Variants in ITPR2 observed in about 807,000 individuals in gnomAD.
ITPR2 encodes inositol 1,4,5-trisphosphate-gated calcium channel ITPR2.
Under a neutral mutation model 317.1 loss-of-function variants are expected in ITPR2, and 207 were observed. The observed-to-expected ratio is 0.65, with a 90% confidence interval of 0.58 to 0.73. The LOEUF is 0.73. Among genes scored for constraint, ITPR2 ranks in the 30% least tolerant of loss-of-function variants. The probability of loss-of-function intolerance (pLI) is 0.00; values close to 1 mark genes in which losing one functional copy is unlikely to be tolerated. For synonymous variants in ITPR2, 1,156 were observed against 1,149.1 expected (o/e 1.01, Z -0.12); for missense variants, 2,613 against 3,284.0 (o/e 0.80, Z 4.99).
At chr12:26,454,878 T>C (rs1341387303) in intron 45 of ITPR2, among the ~76,000 whole-genome samples, 1 of 152,160 alleles carries the variant, frequency 6.6e-6, no homozygotes, top group Non-Finnish European at 1.5e-5. Context: ...TGCAATAATA[T>C]ACCAAAGAGA....
At chr12:26,689,848 T>A (rs1463773342) in intron 10 of ITPR2, among the ~76,000 whole-genome samples, 1 of 151,104 alleles carries the variant, frequency 6.6e-6, no homozygotes, top group East Asian at 1.9e-4. Context: ...AAGGAGGAGG[T>A]TTAGAAGAGG....
At position 26,572,138 on chromosome 12, in the gene ITPR2, T is replaced by G. The variant is rs140378367; in HGVS notation, c.4630+6575A>C. ...CTTGCATATTTGAATTCTGCTAAAC[T>G]TTAGTGCCTCTGTGTGTTTTTAAAG... On this transcript the variant is annotated intron_variant, in intron 34 of 56. Coordinates refer to ENST00000381340, the MANE Select transcript of ITPR2 (RefSeq NM_002223.4). 1.9e-3 allele frequency among the ~76,000 whole-genome samples: 297 copies of G among 152,314 alleles called. 3 individuals carry two copies. The highest frequency in any genetic ancestry group is 6.6e-3 in the African/African-American group (274 of 41,570).
chr12:26,494,086 G>T, intron 39 of ITPR2, 67 bp downstream of exon 39: 1 of 1,261,132 alleles, frequency 7.9e-7, no homozygotes, highest in South Asian at 1.6e-5. Flanking sequence ...CTTTTCCTTG[G>T]TTTCTGTGAC....
chr12:26,545,450 A>G (rs1436748186), intron 37 of ITPR2, among the ~76,000 whole-genome samples: 1 of 152,144 alleles, frequency 6.6e-6, no homozygotes, highest in Non-Finnish European at 1.5e-5. Context: ...GGATGGGGCC[A>G]CGAGCCAAGG....
intron 2 of ITPR2, among the ~76,000 whole-genome samples, chr12:26,787,308 T>TA (rs1025648206): frequency 6.6e-6 from 1 of 152,226 alleles, no homozygotes; most frequent in African/African-American, 2.4e-5. Context: ...TGATTTAATC[T>TA]AAAACTGGAG....
At chr12:26,764,009 C>T (rs921762502) in intron 2 of ITPR2, among the ~76,000 whole-genome samples, 4 of 152,114 alleles carry the variant, frequency 2.6e-5, no homozygotes, top group African/African-American at 9.6e-5. Flanking sequence ...AACAGACAAA[C>T]AGATCAAAGG....
chr12:26,776,904 T>G (rs566506807), intron 2 of ITPR2, among the ~76,000 whole-genome samples: 1 of 152,308 alleles, frequency 6.6e-6, no homozygotes, highest in Non-Finnish European at 1.5e-5. Context: ...AGGTTCACAG[T>G]GTGACCCATG....
At chr12:26,742,977 C>T (rs940844160) in intron 2 of ITPR2, among the ~76,000 whole-genome samples, 8 of 152,152 alleles carry the variant, frequency 5.3e-5, no homozygotes. Context: ...TGGAAAGGAG[C>T]TTCGCCAGGG....
chr12:26,596,947 C>T lies in ITPR2; in HGVS notation c.4190G>A (p.Cys1397Tyr). The T allele has an allele frequency of 6.2e-7, 1 of 1,608,352 alleles. No homozygotes were observed. Among genetic ancestry groups the T allele is most frequent in the Non-Finnish European group, 8.5e-7 (1 of 1,176,902 alleles). ...EGKNVYTEIK[C>Y]NSLLPLDDIV... ...GTCGTCCAGCGGGAGAAGGGAATTACACTTGATTTCAGTGTAGACATTTTT... is the reference window on the plus strand; with the variant it reads ...GTCGTCCAGCGGGAGAAGGGAATTATACTTGATTTCAGTGTAGACATTTTT... Residue 1397 changes from cysteine to tyrosine, a missense_variant, in exon 31 of 57, where the codon TGT (cysteine) becomes TAT (tyrosine). Around this residue, in one of 9 missense-constraint regions of ITPR2, gnomAD observed 3 missense variants for 16.3 expected, o/e 0.18. Transcript: ENST00000381340.
chr12:26,350,398 G>A (rs1438599387), intron 55 of ITPR2, among the ~76,000 whole-genome samples: 1 of 152,060 alleles, frequency 6.6e-6, no homozygotes, highest in Non-Finnish European at 1.5e-5. Context: ...GCATCCTGGG[G>A]GCGAGAGGCA....
intron 48 of ITPR2, among the ~76,000 whole-genome samples, chr12:26,433,457 T>C (rs1328287309): frequency 6.6e-6 from 1 of 152,138 alleles, no homozygotes; most frequent in Non-Finnish European, 1.5e-5. Flanking sequence ...TATACCAAGA[T>C]AGTATGTGAT....
intron 55 of ITPR2, 75 bp from the exon 56 acceptor site, chr12:26,340,403 C>G: frequency 1.4e-6 from 2 of 1,399,042 alleles, no homozygotes; most frequent in East Asian, 2.7e-5. Flanking sequence ...TTTATTATTA[C>G]TAACATTTAA....
intron 1 of ITPR2, among the ~76,000 whole-genome samples, chr12:26,797,612 A>T (rs994578212): frequency 5.9e-5 from 9 of 151,434 alleles, no homozygotes; most frequent in African/African-American, 1.7e-4. Context: ...TCCACAATTG[A>T]CATTACTAAA....
intron 45 of ITPR2, among the ~76,000 whole-genome samples, chr12:26,450,639 A>G (rs946801803): frequency 6.6e-5 from 10 of 152,152 alleles, no homozygotes; most frequent in African/African-American, 2.4e-4. Flanking sequence ...CCACTTTAGA[A>G]GAAGATCAGC....
At chr12:26,676,226 CA>C (rs1383615676) in intron 13 of ITPR2, among the ~76,000 whole-genome samples, 1 of 151,974 alleles carries the variant, frequency 6.6e-6, no homozygotes, top group African/African-American at 2.4e-5. Context: ...CCTGTAATCC[CA>C]GCACTTTGGG....
chr12:26,452,956 GTATAAT>G (rs1941775760), intron 45 of ITPR2, among the ~76,000 whole-genome samples: 1 of 151,986 alleles, frequency 6.6e-6, no homozygotes, highest in Admixed American at 6.5e-5. Context: ...CAGGAGGTTT[GTATAAT>G]TATATGTAAT....
intron 37 of ITPR2, among the ~76,000 whole-genome samples, chr12:26,538,947 C>G (rs1944181170): frequency 6.6e-6 from 1 of 152,152 alleles, no homozygotes; most frequent in African/African-American, 2.4e-5. Context: ...GATTAAAATA[C>G]TTTCTTTCCT....
At chr12:26,608,563 G>GCTGC (rs1191614699) in intron 26 of ITPR2, among the ~76,000 whole-genome samples, 1 of 151,474 alleles carries the variant, frequency 6.6e-6, no homozygotes, top group African/African-American at 2.4e-5. Flanking sequence ...CCTCTGCCTG[G>GCTGC]CTGCCCCACA....
At chr12:26,460,524 GA>G (rs1941992223) in intron 45 of ITPR2, among the ~76,000 whole-genome samples, 1 of 152,162 alleles carries the variant, frequency 6.6e-6, no homozygotes, top group Non-Finnish European at 1.5e-5. Context: ...ACAAAAAAAG[GA>G]AGGGAAGGAA....
Sources: allele counts gnomAD v4.1 joint callset (sites outside exome capture counted in the v4.1 genomes callset), GRCh38; gene constraint gnomAD v4.1.1; regional missense constraint gnomAD v4.1.1; transcripts MANE v1.5; gene names NCBI Gene and HGNC (gene_info 2026-07-23, HGNC 2026-07-21).